ST3GAL3: variants seen among roughly 807,000 people sequenced by gnomAD.
ST3GAL3 encodes the protein CMP-N-acetylneuraminate-beta-1,4-galactoside alpha-2,3-sialyltransferase.
In ST3GAL3, 21 loss-of-function variants were observed where a neutral mutation model predicts 50.1. The observed-to-expected ratio is 0.42, with a 90% CI of 0.30 to 0.60. ST3GAL3 has a LOEUF of 0.60. ST3GAL3 is among the 20% of genes least tolerant of loss of function. The pLI is 0.19. For missense variants in ST3GAL3, 353 were observed against 489.4 expected (o/e 0.72, Z 2.63); for synonymous variants, 183 against 190.0 (o/e 0.96, Z 0.30).
intron 2 of ST3GAL3, among the ~76,000 whole-genome samples, chr1:43,789,386 G>A (rs751168639): frequency 2.0e-5 from 3 of 152,126 alleles, no homozygotes; most frequent in Non-Finnish European, 2.9e-5. Flanking sequence ...GGAGTGATGA[G>A]AATGTTCTAA....
intron 5 of ST3GAL3, among the ~76,000 whole-genome samples, chr1:43,889,155 G>A (rs2076362615): frequency 1.3e-5 from 2 of 150,150 alleles, no homozygotes; most frequent in Non-Finnish European, 1.5e-5. Flanking sequence ...AGACAAAACA[G>A]TATGTATACT....
At chr1:43,719,682 C>T (rs186125263) in intron 1 of ST3GAL3, among the ~76,000 whole-genome samples, 3 of 147,812 alleles carry the variant, frequency 2.0e-5, no homozygotes, top group East Asian at 4.1e-4. Context: ...AAAGAATAAG[C>T]GGTGGCTTGG....
chr1:43,771,909 GC>G lies in ST3GAL3; in HGVS notation c.119-20189del, dbSNP rs1695389997. ...AAGATGGCCTGTTTCAAAGGTGTGTGCCCCTGGATGTTGGGGTCACCATTTT... is the reference window on the plus strand; with the variant it reads ...AAGATGGCCTGTTTCAAAGGTGTGTGCCCTGGATGTTGGGGTCACCATTTT... On this transcript the variant is annotated intron_variant, in intron 2 of 11. Coordinates refer to ENST00000347631, the MANE Select transcript of ST3GAL3 (RefSeq NM_006279.5). 1.3e-5 allele frequency: 5 copies of G among 398,510 alleles called. No individual in the cohort carries two copies. In the East Asian group the frequency reaches 1.4e-4, roughly 11 times the overall value. 24.7% of individuals were successfully genotyped at this position (398,510 alleles called of 1,614,324 possible).
chr1:43,740,650 T>A (rs928549666), intron 2 of ST3GAL3, among the ~76,000 whole-genome samples: 1 of 151,476 alleles, frequency 6.6e-6, no homozygotes, highest in Non-Finnish European at 1.5e-5. Context: ...ACAAAAAAAT[T>A]AAAAAATATT....
chr1:43,890,913 C>T (rs1023143931), intron 5 of ST3GAL3, among the ~76,000 whole-genome samples: 1 of 151,948 alleles, frequency 6.6e-6, no homozygotes, highest in South Asian at 2.1e-4. Flanking sequence ...CCGAATGCAA[C>T]TGGGAAAATA....
chr1:43,806,574 G>A (rs905660034), intron 3 of ST3GAL3, among the ~76,000 whole-genome samples: 2 of 152,172 alleles, frequency 1.3e-5, no homozygotes, highest in African/African-American at 4.8e-5. Context: ...GGAAGGCTGG[G>A]GAACAGGCAA....
chr1:43,822,884 C>G (rs1169006817), intron 4 of ST3GAL3, among the ~76,000 whole-genome samples: 1 of 152,170 alleles, frequency 6.6e-6, no homozygotes, highest in Non-Finnish European at 1.5e-5. Flanking sequence ...CTTAACATGT[C>G]CAGAACCAAA....
At chr1:43,754,726 G>A (rs1687414161) in intron 2 of ST3GAL3, among the ~76,000 whole-genome samples, 1 of 152,160 alleles carries the variant, frequency 6.6e-6, no homozygotes, top group Non-Finnish European at 1.5e-5. Context: ...GGAAGATGAG[G>A]CAGGAGGATG....
chr1:43,843,353 T>C (rs1298893431), intron 5 of ST3GAL3, among the ~76,000 whole-genome samples: 1 of 152,240 alleles, frequency 6.6e-6, no homozygotes, highest in Non-Finnish European at 1.5e-5. Context: ...TTTTCTTTTT[T>C]AGTCTATTAA....
Position 43,709,427 on chromosome 1 carries a change from C to T in ST3GAL3, c.-31+1734C>T, listed in dbSNP as rs1425282948. On this transcript the variant is annotated intron_variant, in intron 1 of 11. Transcript: ENST00000347631. ...TTTTTGAGACAGGGTCTCCCTCTGTCACCCATGCTGGAGTGCAGTGAATGT... is the reference window on the plus strand; with the variant it reads ...TTTTTGAGACAGGGTCTCCCTCTGTTACCCATGCTGGAGTGCAGTGAATGT... 2 of 151,806 alleles carry T rather than the reference C, an allele frequency of 1.3e-5. 1 individual carries two copies. Among genetic ancestry groups the T allele is most frequent in the East Asian group, 3.9e-4 (2 of 5,194 alleles). The allele number at this position is 151,806 out of a possible 1,614,324, so 9.4% of individuals were successfully genotyped here.
At chr1:43,756,562 A>G (rs35623985) in intron 2 of ST3GAL3, among the ~76,000 whole-genome samples, 2,431 of 148,082 alleles carry the variant, frequency 0.016, 20 homozygotes, top group Non-Finnish European at 0.025. Context: ...ACACACACAC[A>G]CGCACGCACA....
At chr1:43,723,677 T>C (rs533413663) in intron 1 of ST3GAL3, among the ~76,000 whole-genome samples, 8 of 152,164 alleles carry the variant, frequency 5.3e-5, no homozygotes, top group African/African-American at 1.9e-4. Context: ...AGTGGCATGA[T>C]CTCAGCTCAC....
chr1:43,917,585 T>A (rs1237405665), intron 9 of ST3GAL3, among the ~76,000 whole-genome samples: 4 of 61,412 alleles, frequency 6.5e-5, no homozygotes, highest in Admixed American at 3.2e-4. Flanking sequence ...ATATTACGTA[T>A]TATATATAAT....
intron 2 of ST3GAL3, among the ~76,000 whole-genome samples, chr1:43,789,848 C>T (rs1488650141): frequency 6.7e-6 from 1 of 149,094 alleles, no homozygotes; most frequent in East Asian, 2.0e-4. Context: ...CACTCCAGCC[C>T]AGGGGACAGG....
At chr1:43,710,157 C>T (rs1342559301) in intron 1 of ST3GAL3, among the ~76,000 whole-genome samples, 1 of 152,148 alleles carries the variant, frequency 6.6e-6, no homozygotes, top group Non-Finnish European at 1.5e-5. Context: ...TCTCAGCCCA[C>T]TGCAACCTCC....
chr1:43,880,875 C>T (rs1351570749), intron 5 of ST3GAL3, among the ~76,000 whole-genome samples: 1 of 152,134 alleles, frequency 6.6e-6, no homozygotes, highest in Non-Finnish European at 1.5e-5. Flanking sequence ...TAGAACAGTG[C>T]CAGGAATGCA....
intron 1 of ST3GAL3, among the ~76,000 whole-genome samples, chr1:43,716,717 C>T (rs955988242): frequency 6.6e-6 from 1 of 152,106 alleles, no homozygotes; most frequent in African/African-American, 2.4e-5. Context: ...ACCTCATGTG[C>T]GACAGACATC....
rs763768741 is a variant in ST3GAL3, at chr1:43,875,914, C to A, written c.303-18469C>A. On this transcript the variant is annotated intron_variant, in intron 5 of 11. Coordinates refer to ENST00000347631, the MANE Select transcript of ST3GAL3 (RefSeq NM_006279.5). Reference sequence around the variant, plus strand: ...TAGAATTTCTCTTCTTCTTCTTCTTCTTCTTCTTCTTCTTCTTCTTCTTCT... The same window carrying A: ...TAGAATTTCTCTTCTTCTTCTTCTTATTCTTCTTCTTCTTCTTCTTCTTCT... Among the ~76,000 whole-genome samples the A allele has an allele frequency of 8.4e-3, 433 of 51,398 alleles. 4 individuals carry two copies. Among genetic ancestry groups the A allele is most frequent in the Admixed American group, 0.021 (115 of 5,486 alleles). The allele number at this position is 51,398 out of a possible 152,430, so 33.7% of individuals were successfully genotyped here.
At chr1:43,765,401 C>G (rs1281159824) in intron 2 of ST3GAL3, among the ~76,000 whole-genome samples, 1 of 152,200 alleles carries the variant, frequency 6.6e-6, no homozygotes, top group East Asian at 1.9e-4. Context: ...CAGATCAGTA[C>G]TCAGTCGTGT....
Sources: allele counts gnomAD v4.1 joint callset (sites outside exome capture counted in the v4.1 genomes callset), GRCh38; gene constraint gnomAD v4.1.1; transcripts MANE v1.5; gene names NCBI Gene and HGNC (gene_info 2026-07-23, HGNC 2026-07-21).